EPHB2: variants seen among roughly 807,000 people sequenced by gnomAD.
EPHB2 encodes EPH receptor B2, also known as ephrin type-B receptor 2.
A neutral mutation model predicts 96.4 loss-of-function variants in EPHB2; 18 were observed. That is an observed-to-expected ratio of 0.19 (90% confidence interval 0.13 to 0.28). The LOEUF is 0.28. Ranked by LOEUF, EPHB2 falls within the 10% of genes least tolerant of loss-of-function variation. The pLI is 1.00. For missense variants in EPHB2, 989 were observed against 1,355.4 expected (o/e 0.73, Z 4.25); for synonymous variants, 506 against 534.1 (o/e 0.95, Z 0.72).
intron 12 of EPHB2, 57 bp downstream of exon 12, chr1:22,908,225 T>A (rs1639979741): frequency 6.3e-7 from 1 of 1,596,412 alleles, no homozygotes; most frequent in Non-Finnish European, 8.6e-7. Flanking sequence ...GGCATGAGTG[T>A]CCATCTCTCC....
intron 1 of EPHB2, chr1:22,775,040 G>A: frequency 1.5e-6 from 1 of 658,398 alleles, no homozygotes; most frequent in South Asian, 1.8e-5. Context: ...CCACTCCCCT[G>A]CTGCCCTCCT....
chr1:22,873,886 A>G (rs1638752835), intron 5 of EPHB2, among the ~76,000 whole-genome samples: 1 of 152,190 alleles, frequency 6.6e-6, no homozygotes, highest in African/African-American at 2.4e-5. Flanking sequence ...GGTTCAGAAA[A>G]TGTTGTCTTC....
chr1:22,730,740 A>T (rs1368779184), intron 1 of EPHB2, among the ~76,000 whole-genome samples: 1 of 151,898 alleles, frequency 6.6e-6, no homozygotes, highest in Non-Finnish European at 1.5e-5. Flanking sequence ...GGGCCAGGGG[A>T]GAATGGGAGC....
chr1:22,892,086 C>T (rs1023989778), intron 6 of EPHB2, among the ~76,000 whole-genome samples: 4 of 151,930 alleles, frequency 2.6e-5, no homozygotes, highest in African/African-American at 7.3e-5. Context: ...TGTGAGCCAC[C>T]GTATCCAGCC....
chr1:22,827,173 T>G (rs1045679084), intron 3 of EPHB2, among the ~76,000 whole-genome samples: 1 of 152,230 alleles, frequency 6.6e-6, no homozygotes, highest in Non-Finnish European at 1.5e-5. Flanking sequence ...TTTCTTCAGA[T>G]CCAGCTCAGA....
At chr1:22,720,917 G>C (rs979077179) in intron 1 of EPHB2, among the ~76,000 whole-genome samples, 4 of 152,178 alleles carry the variant, frequency 2.6e-5, no homozygotes, top group Non-Finnish European at 5.9e-5. Flanking sequence ...GAACTGAAAA[G>C]ATGGGTCCCT....
intron 3 of EPHB2, among the ~76,000 whole-genome samples, chr1:22,813,113 A>C (rs555966953): frequency 6.6e-4 from 101 of 152,294 alleles, no homozygotes; most frequent in Middle Eastern, 3.4e-3. Flanking sequence ...AAAGTCTAGC[A>C]CCTACCTAGT....
At chr1:22,743,456 A>G (rs762028190) in intron 1 of EPHB2, among the ~76,000 whole-genome samples, 5 of 151,936 alleles carry the variant, frequency 3.3e-5, no homozygotes, top group Non-Finnish European at 7.4e-5. Flanking sequence ...GGATTTCTGT[A>G]AATTTAATTT....
intron 3 of EPHB2, among the ~76,000 whole-genome samples, chr1:22,811,025 T>C (rs898427685): frequency 6.6e-6 from 1 of 152,002 alleles, no homozygotes; most frequent in African/African-American, 2.4e-5. Context: ...GAAGAAAGGG[T>C]CCTGTCTCAG....
chr1:22,890,907 G>A (rs1452711166), intron 6 of EPHB2, among the ~76,000 whole-genome samples: 1 of 152,168 alleles, frequency 6.6e-6, no homozygotes, highest in Admixed American at 6.5e-5. Flanking sequence ...CAGGCATGAG[G>A]AACTGTGGGT....
chr1:22,728,055 G>A (rs184786844), intron 1 of EPHB2, among the ~76,000 whole-genome samples: 90 of 152,090 alleles, frequency 5.9e-4, no homozygotes, highest in Non-Finnish European at 9.7e-4. Flanking sequence ...CAGTTTACCC[G>A]GCTGTAAAAT....
intron 3 of EPHB2, among the ~76,000 whole-genome samples, chr1:22,828,705 A>G (rs1246325345): frequency 6.6e-6 from 1 of 152,248 alleles, no homozygotes; most frequent in Non-Finnish European, 1.5e-5. Context: ...TTAGAATGTT[A>G]CAGGCCTAGA....
At chr1:22,774,785 T>C (rs941384687) in intron 1 of EPHB2, 1 of 219,164 alleles carries the variant, frequency 4.6e-6, no homozygotes, top group African/African-American at 2.3e-5. Flanking sequence ...TGGATGCATG[T>C]GCTAGTGCCA....
At position 22,913,337 on chromosome 1, in the gene EPHB2, A is replaced by G. The variant is rs1570475686; in HGVS notation, c.2853-125A>G. 1 of 1,291,354 alleles carries G rather than the reference A, an allele frequency of 7.7e-7. No homozygotes were observed. Among genetic ancestry groups the G allele is most frequent in the Admixed American group, 2.0e-5 (1 of 50,250 alleles). 80.0% of individuals were successfully genotyped at this position (1,291,354 alleles called of 1,614,324 possible). ...AGCTGTGGCTGCCTGCCCACTCCCCACTCCCCACTCCCCAGTACTCCTTGC... is the reference window on the plus strand; with the variant it reads ...AGCTGTGGCTGCCTGCCCACTCCCCGCTCCCCACTCCCCAGTACTCCTTGC... On this transcript the variant is annotated intron_variant, in intron 15 of 15. Transcript: ENST00000374630. This position sits in a 1 kb window ranked among gnomAD's most constrained non-coding sequence, Gnocchi z 4.1.
intron 1 of EPHB2, chr1:22,774,650 G>A (rs1164360798): frequency 2.0e-6 from 2 of 984,412 alleles, no homozygotes; most frequent in African/African-American, 3.5e-5. Context: ...GTAATTAGCT[G>A]GCCTGCTTGG....
rs139801860 is a variant in EPHB2 at position 22,726,737 on chromosome 1, T to C, written c.61+15694T>C. ...ATGCCCAGCCCGTAATAGTTAATAA[T>C]GCTCATTTTGCAGGTAAAAAAGCAG... On this transcript the variant is annotated intron_variant, in intron 1 of 15. Coordinates refer to ENST00000374630, the MANE Select transcript of EPHB2 (RefSeq NM_017449.5). Among the ~76,000 whole-genome samples the C allele has an allele frequency of 6.9e-3, 1,054 of 152,334 alleles. 8 individuals carry two copies. Among genetic ancestry groups the C allele is most frequent in the Non-Finnish European group, 0.011 (733 of 68,036 alleles).
At chr1:22,771,071 A>C (rs2817881) in intron 1 of EPHB2, among the ~76,000 whole-genome samples, 151,625 of 152,298 alleles carry the variant, frequency 1, 75,479 homozygotes, top group Middle Eastern at 1. Flanking sequence ...GACACCCAGA[A>C]TGATGATGTC....
intron 3 of EPHB2, 74 bp from the exon 4 acceptor site, chr1:22,862,942 CGAGGCTGTGTGGCCCCTCCGT>C: frequency 6.6e-7 from 1 of 1,525,682 alleles, no homozygotes; most frequent in Non-Finnish European, 9.1e-7. Flanking sequence ...GGCCCCTCCG[CGAGGCTGTGTGGCCCCTCCGT>C]GAGGCTGCGT....
chr1:22,866,996 A>G (rs1181987377), intron 5 of EPHB2, among the ~76,000 whole-genome samples: 3 of 152,204 alleles, frequency 2.0e-5, no homozygotes, highest in Non-Finnish European at 2.9e-5. Flanking sequence ...GTTTCCATGC[A>G]TGACCTCACT....
Sources: gnomAD v4.1 joint callset for allele counts (sites outside exome capture counted in the v4.1 genomes callset) on GRCh38, gnomAD v4.1.1 for gene constraint, Gnocchi (gnomAD v3.1) non-coding constraint, MANE v1.5 for transcripts, NCBI Gene and HGNC (gene_info 2026-07-23, HGNC 2026-07-21) for gene names.